Variants in GBA1 observed in about 807,000 individuals in gnomAD.
GBA1 encodes the protein glucosylceramidase beta 1.
the GBA1 span, chr1:155,236,503 C>T: frequency 6.5e-7 from 1 of 1,532,678 alleles, no homozygotes. Context: ...CTGGACCTTG[C>T]ACACAGGCTT....
the GBA1 span, chr1:155,240,807 C>T: frequency 3.5e-6 from 4 of 1,158,378 alleles, no homozygotes; most frequent in Non-Finnish European, 3.9e-6. Flanking sequence ...CTTTGGGTGC[C>T]CATGGCCCGG....
the GBA1 span, chr1:155,241,099 C>T: frequency 1.7e-5 from 27 of 1,614,008 alleles, no homozygotes; most frequent in African/African-American, 2.7e-5. Flanking sequence ...TCTGGAAGGA[C>T]TTGAAAACTC....
At chr1:155,237,333 G>A in the GBA1 span, 1 of 1,613,932 alleles carries the variant, frequency 6.2e-7, no homozygotes. Flanking sequence ...TGGAGGTCCA[G>A]GCCTTACCAC....
the GBA1 span, chr1:155,238,361 C>T: frequency 6.6e-7 from 1 of 1,518,876 alleles, no homozygotes; most frequent in African/African-American, 1.4e-5. Flanking sequence ...ACATACTAGC[C>T]CAACCAGTGC....
chr1:155,235,251 C>T, the GBA1 span: 1 of 1,613,752 alleles, frequency 6.2e-7, no homozygotes, highest in Non-Finnish European at 8.5e-7. Context: ...CCACTGCGTC[C>T]AGGTCGTTCT....
chr1:155,235,876 G>C, the GBA1 span: 2 of 1,614,062 alleles, frequency 1.2e-6, no homozygotes, highest in Non-Finnish European at 8.5e-7. Context: ...AGAGACAAAG[G>C]CGCAACACTG....
the GBA1 span, chr1:155,239,945 C>T: frequency 7.4e-6 from 12 of 1,614,060 alleles, no homozygotes; most frequent in Middle Eastern, 1.6e-4. Context: ...TCGCCCACTG[C>T]GTGTACTCTC....
chr1:155,240,863 C>T, the GBA1 span: 1 of 853,614 alleles, frequency 1.2e-6, no homozygotes, highest in Non-Finnish European at 2.0e-6. Flanking sequence ...CTGGGTGCAG[C>T]TCTCCCTGCA....
At chr1:155,240,987 G>A in the GBA1 span, 1 of 1,183,146 alleles carries the variant, frequency 8.5e-7, no homozygotes, top group Non-Finnish European at 1.3e-6. Flanking sequence ...AAAGAGCCAT[G>A]ATGGCCCTGG....
At chr1:155,235,920 G>A in the GBA1 span, 10 of 1,569,718 alleles carry the variant, frequency 6.4e-6, no homozygotes, top group Non-Finnish European at 8.8e-6. Flanking sequence ...AGGGTCACAT[G>A]TGGGAGAGGC....
At chr1:155,236,958 G>A in the GBA1 span, among the ~76,000 whole-genome samples, 4 of 151,480 alleles carry the variant, frequency 2.6e-5, no homozygotes, top group Admixed American at 6.6e-5. Context: ...ACCATCTCCC[G>A]GGTTCAACTG....
At chr1:155,238,896 G>A in the GBA1 span, 10 of 531,850 alleles carry the variant, frequency 1.9e-5, no homozygotes, top group East Asian at 4.1e-4. Context: ...GGAACCAAAT[G>A]TCAGGGATGG....
chr1:155,236,197 AAG>A, the GBA1 span: 4 of 1,491,458 alleles, frequency 2.7e-6, no homozygotes, highest in Non-Finnish European at 3.7e-6. Context: ...TGAAACTAGT[AAG>A]AGGTCTGAGG....
At chr1:155,240,588 G>T in the GBA1 span, 275 of 1,463,338 alleles carry the variant, frequency 1.9e-4, 1 homozygote, top group African/African-American at 2.6e-3. Context: ...TGAGGCAGAA[G>T]GGAGGCTCTG....
At chr1:155,240,705 G>A in the GBA1 span, 6 of 1,613,312 alleles carry the variant, frequency 3.7e-6, no homozygotes, top group Non-Finnish European at 5.1e-6. Flanking sequence ...CTACTCAAAG[G>A]CTTGGGACAT....
At chr1:155,236,532 G>A in the GBA1 span, 1 of 1,329,942 alleles carries the variant, frequency 7.5e-7, no homozygotes, top group Non-Finnish European at 1.1e-6. Context: ...TCTAGTTCCT[G>A]TTGTAGGAAT....
At chr1:155,239,841 A>C in the GBA1 span, 1 of 1,613,986 alleles carries the variant, frequency 6.2e-7, no homozygotes, top group Non-Finnish European at 8.5e-7. Flanking sequence ...ATTTACCTCT[A>C]GGAGGACCCA....
the GBA1 span, among the ~76,000 whole-genome samples, chr1:155,243,578 C>A: frequency 3.9e-5 from 6 of 152,100 alleles, no homozygotes; most frequent in Non-Finnish European, 7.3e-5. Flanking sequence ...AATCCTCCCA[C>A]CTCAGCCTCC....
the GBA1 span, chr1:155,237,700 C>A: frequency 1.3e-6 from 2 of 1,550,646 alleles, no homozygotes; most frequent in South Asian, 2.4e-5. Context: ...CACTTGAGTT[C>A]AGGAGTTCGA....
Sources: allele counts gnomAD v4.1 joint callset (sites outside exome capture counted in the v4.1 genomes callset), GRCh38; gene constraint gnomAD v4.1.1; transcripts MANE v1.5; gene names NCBI Gene and HGNC (gene_info 2026-07-23, HGNC 2026-07-21).